CDH13: variants seen among roughly 807,000 people sequenced by gnomAD.
CDH13 encodes the protein cadherin 13, also known as cadherin-13.
CDH13 carries 24 observed loss-of-function variants against 63.8 expected under a neutral mutation model. That is an observed-to-expected ratio of 0.38 (90% CI 0.27 to 0.53). The LOEUF (loss-of-function observed/expected upper bound fraction) is 0.53, where lower values mean the gene tolerates loss of function less well. CDH13 is among the 20% of genes least tolerant of loss of function. The pLI is 0.85. For missense variants in CDH13, 1,049 were observed against 903.1 expected (o/e 1.16, Z -2.07); for synonymous variants, 503 against 355.3 (o/e 1.42, Z -4.67).
At chr16:83,086,443 G>A (rs1467852488) in intron 3 of CDH13, among the ~76,000 whole-genome samples, 3 of 152,136 alleles carry the variant, frequency 2.0e-5, no homozygotes, top group Admixed American at 6.5e-5. Flanking sequence ...TTAGGGTGAC[G>A]ATGGTTGTAA....
chr16:83,629,185 C>T (rs998728931), intron 8 of CDH13, among the ~76,000 whole-genome samples: 1 of 152,124 alleles, frequency 6.6e-6, no homozygotes, highest in Non-Finnish European at 1.5e-5. Context: ...ATAACAAAGC[C>T]AGTTAAGCAT....
rs190036038 is a variant in CDH13 at position 82,822,923 on chromosome 16, G to T, written c.46-35439G>T. On this transcript the variant is annotated intron_variant, in intron 1 of 13. Transcript: ENST00000567109. ...AGGGTTTCTGATGGGCTTGCAGTCAGTGGCCGAGGCTGGAGTCATCTGGAA... is the reference window on the plus strand; with the variant it reads ...AGGGTTTCTGATGGGCTTGCAGTCATTGGCCGAGGCTGGAGTCATCTGGAA... 2.0e-5 allele frequency among the ~76,000 whole-genome samples: 3 copies of T among 152,350 alleles called. No homozygotes were observed. In the East Asian group the frequency reaches 5.8e-4, roughly 29 times the overall value.
intron 5 of CDH13, among the ~76,000 whole-genome samples, chr16:83,256,219 G>C (rs1219822255): frequency 6.6e-6 from 1 of 152,070 alleles, no homozygotes; most frequent in Non-Finnish European, 1.5e-5. Context: ...TTTTTGTAGA[G>C]ATGGGATTTT....
chr16:83,362,233 G>C (rs992649164), intron 6 of CDH13, among the ~76,000 whole-genome samples: 1 of 152,094 alleles, frequency 6.6e-6, no homozygotes, highest in South Asian at 2.1e-4. Context: ...AAATTTCCAC[G>C]CACATCCACA....
chr16:83,665,261 A>G (rs1451280653), intron 8 of CDH13, among the ~76,000 whole-genome samples: 1 of 152,254 alleles, frequency 6.6e-6, no homozygotes, highest in African/African-American at 2.4e-5. Context: ...ATAAGAGCAG[A>G]AAGAGTCACA....
chr16:83,295,012 G>T (rs2089556888), intron 5 of CDH13, among the ~76,000 whole-genome samples: 1 of 152,088 alleles, frequency 6.6e-6, no homozygotes. Context: ...AAAACAGCAT[G>T]GTACTGTTAT....
At chr16:83,131,861 G>T (rs1225943968) in intron 4 of CDH13, among the ~76,000 whole-genome samples, 1 of 152,220 alleles carries the variant, frequency 6.6e-6, no homozygotes, top group Non-Finnish European at 1.5e-5. Context: ...TGGGCCAAGT[G>T]CTGTTTGTAA....
intron 2 of CDH13, among the ~76,000 whole-genome samples, chr16:82,862,135 C>G (rs556248794): frequency 2.6e-5 from 4 of 152,170 alleles, no homozygotes; most frequent in Admixed American, 6.5e-5. Flanking sequence ...CCTCAAATTG[C>G]CCAGCATGGT....
chr16:83,615,030 C>G lies in CDH13; in HGVS notation c.1101+12436C>G, dbSNP rs528327897. Among the ~76,000 whole-genome samples, 24 of 152,132 alleles carry G rather than the reference C, an allele frequency of 1.6e-4. No homozygotes were observed. The East Asian group carries it at 4.5e-3, about 28-fold the overall frequency. On this transcript the variant is annotated intron_variant, in intron 8 of 13. Coordinates refer to ENST00000567109, the MANE Select transcript of CDH13 (RefSeq NM_001257.5). The stretch of plus-strand genomic sequence containing the variant: ...ACATGAATATCTACAGTTCCCTTAA[C>G]TCTTTGGGATCTTTTCCTCTGTTTT...
intron 2 of CDH13, among the ~76,000 whole-genome samples, chr16:82,865,980 C>T (rs1247229329): frequency 1.3e-5 from 2 of 152,182 alleles, no homozygotes; most frequent in Non-Finnish European, 2.9e-5. Context: ...GAAATTTCTT[C>T]TGCCAGATAC....
chr16:83,401,981 C>T lies in CDH13; in HGVS notation c.781+56975C>T, dbSNP rs1344711446. Among the ~76,000 whole-genome samples, 2 of 152,172 alleles carry T rather than the reference C, an allele frequency of 1.3e-5. 1 individual carries two copies. Among genetic ancestry groups the T allele is most frequent in the South Asian group, 4.1e-4 (2 of 4,830 alleles). On this transcript the variant is annotated intron_variant, in intron 6 of 13. Transcript: ENST00000567109. The stretch of plus-strand genomic sequence containing the variant: ...AGAAGTCCTGGGGCTCCAGTGGCCA[C>T]TAAAGCAATGACTTTTCAAAAGAAA...
chr16:83,370,721 C>T (rs534518778), intron 6 of CDH13, among the ~76,000 whole-genome samples: 6 of 152,288 alleles, frequency 3.9e-5, no homozygotes, highest in African/African-American at 1.4e-4. Context: ...GAACATGTGG[C>T]AATTGGTTTT....
intron 3 of CDH13, among the ~76,000 whole-genome samples, chr16:83,062,670 G>T (rs1242820229): frequency 6.6e-6 from 1 of 152,202 alleles, no homozygotes; most frequent in Non-Finnish European, 1.5e-5. Flanking sequence ...AGGTAGAGAG[G>T]TGTTTCAGTT....
At chr16:82,989,943 A>AT (rs76488923) in intron 2 of CDH13, among the ~76,000 whole-genome samples, 161 of 148,138 alleles carry the variant, frequency 1.1e-3, no homozygotes, top group East Asian at 4.8e-3. Context: ...CATCAGTCCC[A>AT]TTTTTTTTTT....
chr16:82,698,037 G>C (rs1037942), intron 1 of CDH13, among the ~76,000 whole-genome samples: 1 of 152,042 alleles, frequency 6.6e-6, no homozygotes, highest in Non-Finnish European at 1.5e-5. Context: ...CTATAAAGAA[G>C]TATCTGTTGA....
chr16:83,729,799 G>A lies in CDH13; in HGVS notation c.1539-18309G>A, dbSNP rs190895044. Among the ~76,000 whole-genome samples, 198 of 152,202 alleles carry A rather than the reference G, an allele frequency of 1.3e-3. 1 individual carries two copies. The highest frequency in any genetic ancestry group is 6.8e-3 in the Middle Eastern group (2 of 294). On this transcript the variant is annotated intron_variant, in intron 10 of 13. Coordinates refer to ENST00000567109, the MANE Select transcript of CDH13 (RefSeq NM_001257.5). ...CATCATCATGATCATAATTATTACCGCAACTGCCACTAGCATTCCCTTCCA... is the reference window on the plus strand; with the variant it reads ...CATCATCATGATCATAATTATTACCACAACTGCCACTAGCATTCCCTTCCA...
intron 5 of CDH13, among the ~76,000 whole-genome samples, chr16:83,241,329 A>G (rs932969167): frequency 1.3e-5 from 2 of 152,208 alleles, no homozygotes; most frequent in Non-Finnish European, 2.9e-5. Context: ...CCTTCTTCAA[A>G]TTCTTTCAGA....
intron 2 of CDH13, among the ~76,000 whole-genome samples, chr16:83,014,854 T>G (rs557799180): frequency 5.9e-5 from 7 of 118,096 alleles, no homozygotes; most frequent in East Asian, 2.8e-4. Flanking sequence ...ATATATATAT[T>G]TGTATATATA....
chr16:82,798,587 A>G (rs1012908085), intron 1 of CDH13, among the ~76,000 whole-genome samples: 14 of 152,114 alleles, frequency 9.2e-5, no homozygotes, highest in Non-Finnish European at 1.9e-4. Flanking sequence ...GCAATGTCTA[A>G]TTACTCAGGG....
Sources: gnomAD v4.1 joint callset for allele counts (sites outside exome capture counted in the v4.1 genomes callset) on GRCh38, gnomAD v4.1.1 for gene constraint, MANE v1.5 for transcripts, NCBI Gene and HGNC (gene_info 2026-07-23, HGNC 2026-07-21) for gene names.